The following NCKAP5 variants were observed in gnomAD, a reference collection of about 807,000 sequenced individuals.
NCKAP5 encodes NCK associated protein 5, also known as nck-associated protein 5.
Under a neutral mutation model 167.0 loss-of-function variants are expected in NCKAP5, and 92 were observed. The observed-to-expected ratio is 0.55, with a 90% confidence interval of 0.47 to 0.66. The LOEUF is 0.66. NCKAP5 is among the 30% of genes least tolerant of loss of function. NCKAP5 has a pLI of 0.00. For missense variants in NCKAP5, 2,378 were observed against 2,315.0 expected (o/e 1.03, Z -0.56); for synonymous variants, 891 against 877.4 (o/e 1.02, Z -0.27).
At chr2:133,496,361 T>C (rs756570185) in intron 3 of NCKAP5, among the ~76,000 whole-genome samples, 18 of 152,204 alleles carry the variant, frequency 1.2e-4, no homozygotes, top group Non-Finnish European at 2.6e-4. Context: ...AACATCTTTT[T>C]CAAAGTCTGC....
the NCKAP5 span, among the ~76,000 whole-genome samples, chr2:133,657,117 C>G: frequency 4.6e-5 from 7 of 152,204 alleles, no homozygotes; most frequent in African/African-American, 1.7e-4. Flanking sequence ...CAAATTCTAA[C>G]AAAGAAGGGA....
intron 3 of NCKAP5, among the ~76,000 whole-genome samples, chr2:133,317,134 C>A (rs569218441): frequency 6.6e-6 from 1 of 152,122 alleles, no homozygotes; most frequent in Non-Finnish European, 1.5e-5. Context: ...AAAAAATAAA[C>A]GTGTATCACC....
At chr2:133,129,091 C>G (rs904906932) in intron 6 of NCKAP5, among the ~76,000 whole-genome samples, 1 of 130,858 alleles carries the variant, frequency 7.6e-6, no homozygotes, top group Admixed American at 7.4e-5. Flanking sequence ...TTTTGGCTGG[C>G]CTTTTTTTTT....
intron 3 of NCKAP5, among the ~76,000 whole-genome samples, chr2:133,355,000 A>G (rs1684612990): frequency 2.6e-5 from 4 of 152,224 alleles, no homozygotes; most frequent in Admixed American, 2.0e-4. Context: ...TATTTAAAAT[A>G]CTCATTTGAG....
At chr2:133,185,475 C>T (rs7594552) in intron 5 of NCKAP5, among the ~76,000 whole-genome samples, 93,391 of 151,824 alleles carry the variant, frequency 0.62, 30,979 homozygotes, top group African/African-American at 0.87. Context: ...CATTTTAGAA[C>T]AGTTTTTTTT....
intron 5 of NCKAP5, among the ~76,000 whole-genome samples, chr2:133,174,283 T>C (rs893241287): frequency 6.6e-6 from 1 of 152,156 alleles, no homozygotes; most frequent in Non-Finnish European, 1.5e-5. Context: ...AAAATATTAG[T>C]GTACCTTATC....
chr2:133,620,178 T>TG, the NCKAP5 span, among the ~76,000 whole-genome samples: 1 of 6,158 alleles, frequency 1.6e-4, no homozygotes, highest in African/African-American at 2.7e-4. Flanking sequence ...AATAACACAA[T>TG]GAAAAAAAAA....
Position 132,790,189 on chromosome 2 carries a change from G to A in NCKAP5, c.926C>T (p.Thr309Ile). ...DAEVHEHQLN[T>I]KSALKCPGLG... ...GCCAGGGCATTTCAAGGCCGATTTT[G>A]TATTTAGTTGGTGTTCCTGAAAAAG... Residue 309 changes from threonine to isoleucine, a missense_variant, in exon 13 of 20, where the codon ACA becomes ATA. Physicochemically the swap from Thr to Ile is moderately conservative, Grantham distance 89. Transcript: ENST00000409261. 6.2e-7 allele frequency: 1 copy of A among 1,612,710 alleles called. No individual in the cohort carries two copies. Among genetic ancestry groups the A allele is most frequent in the Admixed American group, 1.7e-5 (1 of 59,820 alleles).
intron 8 of NCKAP5, among the ~76,000 whole-genome samples, chr2:132,909,895 G>A (rs1694309707): frequency 6.6e-6 from 1 of 152,178 alleles, no homozygotes; most frequent in Non-Finnish European, 1.5e-5. Flanking sequence ...CTTACTCTAT[G>A]TGATAGGACT....
At chr2:132,904,994 C>T (rs1392772059) in intron 8 of NCKAP5, among the ~76,000 whole-genome samples, 4 of 151,974 alleles carry the variant, frequency 2.6e-5, no homozygotes, top group Non-Finnish European at 1.5e-5. Flanking sequence ...CTTCTTTTTC[C>T]TTTGTGATTT....
At chr2:132,923,826 G>A (rs1218481758) in intron 8 of NCKAP5, among the ~76,000 whole-genome samples, 3 of 152,092 alleles carry the variant, frequency 2.0e-5, no homozygotes, top group South Asian at 4.2e-4. Context: ...AAGGATTGTC[G>A]AGAAGTGAAA....
At chr2:133,243,208 G>C (rs1483420573) in intron 4 of NCKAP5, among the ~76,000 whole-genome samples, 1 of 152,100 alleles carries the variant, frequency 6.6e-6, no homozygotes, top group Non-Finnish European at 1.5e-5. Context: ...ATTGGCAGGA[G>C]GGGGAGCTGC....
chr2:133,232,432 C>G (rs545695968), intron 4 of NCKAP5, among the ~76,000 whole-genome samples: 1 of 152,102 alleles, frequency 6.6e-6, no homozygotes, highest in Non-Finnish European at 1.5e-5. Flanking sequence ...AAGAAAAGCA[C>G]TAACAGACAA....
At chr2:132,812,876 T>G (rs1685988615) in intron 11 of NCKAP5, among the ~76,000 whole-genome samples, 1 of 152,158 alleles carries the variant, frequency 6.6e-6, no homozygotes, top group Non-Finnish European at 1.5e-5. Context: ...TCTCACTGTA[T>G]CCTCAAGTGG....
intron 6 of NCKAP5, among the ~76,000 whole-genome samples, chr2:133,125,849 CA>C (rs2082387100): frequency 6.6e-6 from 1 of 151,904 alleles, no homozygotes; most frequent in African/African-American, 2.4e-5. Context: ...GTGGCATATC[CA>C]ATTTTTTTTT....
At chr2:133,672,020 A>G in the NCKAP5 span, among the ~76,000 whole-genome samples, 2 of 152,250 alleles carry the variant, frequency 1.3e-5, no homozygotes, top group Non-Finnish European at 2.9e-5. Flanking sequence ...CAAATAAATA[A>G]ACACGATAGG....
At chr2:133,320,929 C>A (rs1195588516) in intron 3 of NCKAP5, among the ~76,000 whole-genome samples, 1 of 152,128 alleles carries the variant, frequency 6.6e-6, no homozygotes, top group Admixed American at 6.5e-5. Flanking sequence ...GGCTGTTTGC[C>A]CATTCCTGTG....
At chr2:133,527,700 T>G (rs2104809383) in intron 2 of NCKAP5, among the ~76,000 whole-genome samples, 1 of 152,296 alleles carries the variant, frequency 6.6e-6, no homozygotes, top group South Asian at 2.1e-4. Flanking sequence ...TATCTTTTTC[T>G]ACTCAATGAT....
At chr2:133,588,006 T>C in the NCKAP5 span, among the ~76,000 whole-genome samples, 1 of 151,784 alleles carries the variant, frequency 6.6e-6, no homozygotes, top group South Asian at 2.1e-4. Context: ...TTAAAGAAAA[T>C]AGAAACTGTT....
Sources: allele counts gnomAD v4.1 joint callset (sites outside exome capture counted in the v4.1 genomes callset), GRCh38; gene constraint gnomAD v4.1.1; transcripts MANE v1.5; gene names NCBI Gene and HGNC (gene_info 2026-07-23, HGNC 2026-07-21).